The following DAGLB variants were observed in gnomAD, a reference collection of about 807,000 sequenced individuals.
DAGLB encodes diacylglycerol lipase beta.
DAGLB carries 66 observed loss-of-function variants against 72.1 expected under a neutral mutation model. The observed-to-expected ratio is 0.92, with a 90% CI of 0.75 to 1.12. The LOEUF (loss-of-function observed/expected upper bound fraction) is 1.12, where lower values mean the gene tolerates loss of function less well. Among genes scored for constraint, DAGLB ranks in the 50% most tolerant of loss-of-function variants. The probability of loss-of-function intolerance (pLI) is 0.00; values close to 1 mark genes in which losing one functional copy is unlikely to be tolerated. For missense variants in DAGLB, 1,065 were observed against 884.9 expected, an observed-to-expected ratio of 1.20 and a Z score of -2.58; for synonymous variants, 414 against 359.5, an observed-to-expected ratio of 1.15 and a Z score of -1.71.
At chr7:6,413,420 G>A (rs1783800507) in intron 11 of DAGLB, among the ~76,000 whole-genome samples, 1 of 152,252 alleles carries the variant, frequency 6.6e-6, no homozygotes, top group African/African-American at 2.4e-5. Context: ...CACAAGGTCA[G>A]GAGATTGAAA....
chr7:6,447,936 G>A lies in DAGLB; in HGVS notation c.-94C>T, dbSNP rs145079254. The A allele has an allele frequency of 7.5e-6, 11 of 1,464,514 alleles. No individual in the cohort carries two copies. Among genetic ancestry groups the A allele is most frequent in the Middle Eastern group, 1.8e-4 (1 of 5,626 alleles). The allele number at this position is 1,464,514 out of a possible 1,614,324, so 90.7% of individuals were successfully genotyped here. On this transcript the variant is annotated 5_prime_UTR_variant, in exon 1 of 15. Transcript: ENST00000297056. ...CTCCGGACGCCGCCACCAAATTATC[G>A]GCGCTCAAGCGCAAACGCAGCGAGG...
In DAGLB at chr7:6,434,618, C is replaced by CA. The variant is rs1330110623; in HGVS notation, c.678+143dup. On this transcript the variant is annotated intron_variant, in intron 4 of 14. Transcript: ENST00000297056. ...TAACTGCTCCCTGGAGGGCTCATCA[C>CA]AGACAGAGGGTCTCCGGCCACCCCC... is the stretch of plus-strand genomic sequence containing the variant. 4.4e-6 allele frequency: 6 copies of CA among 1,354,494 alleles called. No individual in the cohort carries two copies. The South Asian group carries it at 8.2e-5, about 19-fold the overall frequency. The allele number at this position is 1,354,494 out of a possible 1,614,324, so 83.9% of individuals were successfully genotyped here. A position where few individuals can be genotyped will look rare whatever the true frequency, so the allele number is the denominator to read the frequency against.
intron 9 of DAGLB, among the ~76,000 whole-genome samples, chr7:6,420,618 G>A (rs1031454161): frequency 6.6e-6 from 1 of 152,156 alleles, no homozygotes; most frequent in African/African-American, 2.4e-5. Flanking sequence ...TGTGTTAGGG[G>A]TGTGGGACTG....
chr7:6,442,539 G>C (rs915461732), intron 2 of DAGLB, among the ~76,000 whole-genome samples: 5 of 152,124 alleles, frequency 3.3e-5, no homozygotes, highest in Admixed American at 6.6e-5. Context: ...GAACAAAAAA[G>C]GGCAAATAAG....
At chr7:6,421,911 G>A in intron 8 of DAGLB, 107 bp from the exon 9 acceptor site, 1 of 1,229,612 alleles carries the variant, frequency 8.1e-7, no homozygotes, top group Non-Finnish European at 1.2e-6. Flanking sequence ...GGCGGGGATG[G>A]CACCATCTCC....
intron 2 of DAGLB, 146 bp from the exon 3 acceptor site, chr7:6,436,679 G>T: frequency 2.1e-6 from 2 of 939,334 alleles, no homozygotes; most frequent in African/African-American, 1.7e-5. Context: ...TTGGTAATCA[G>T]CACCTAAGTC....
rs1359944179 is a variant in DAGLB at position 6,426,062 on chromosome 7, A to G, written c.982T>C (p.Cys328Arg). Reference protein sequence around the residue: ...YDLVGGDQLNCHFGSILHTTG... With the variant: ...YDLVGGDQLNRHFGSILHTTG... ...GTGTGCAGGATGGAGCCGAAGTGAC[A>G]GTTGAGCTGATCGCCTCCGACCAAG... Residue 328 changes from cysteine (C) to arginine (R), a missense_variant, in exon 7 of 15, where the codon TGT becomes CGT. Cys to Arg is a radical substitution (Grantham distance 180, BLOSUM62 -3). Coordinates refer to ENST00000297056, the MANE Select transcript of DAGLB (RefSeq NM_139179.4). The G allele has an allele frequency of 3.1e-6, 5 of 1,613,966 alleles. 1 individual carries two copies. The highest frequency in any genetic ancestry group is 3.3e-4 in the Middle Eastern group (2 of 6,018).
In DAGLB at chr7:6,421,735, C is replaced by T. The variant is rs1394007272; in HGVS notation, c.1210G>A (p.Ala404Thr). 6.2e-7 allele frequency: 1 copy of T among 1,609,818 alleles called. No individual in the cohort carries two copies. ...CGAGTCCGCGCTCATACCTTGTGTG[C>T]CAGGCGGTCCTGCACCTCACACTCC... ...DVECEVQDRL[A>T]HKGISQAARY... Residue 404 changes from alanine (A) to threonine (T), a missense_variant, in exon 9 of 15, where the codon GCA (alanine) becomes ACA (threonine). Physicochemically the swap from Ala to Thr is moderately conservative, Grantham distance 58 (BLOSUM62 0). Transcript: ENST00000297056.
intron 13 of DAGLB, among the ~76,000 whole-genome samples, chr7:6,411,211 G>C (rs530218597): frequency 6.6e-6 from 1 of 151,854 alleles, no homozygotes; most frequent in East Asian, 2.0e-4. Context: ...GTTTCTCCAT[G>C]TTAGTCAGGC....
intron 1 of DAGLB, among the ~76,000 whole-genome samples, chr7:6,446,506 A>AAAAAG (rs1785007834): frequency 6.9e-6 from 1 of 145,362 alleles, no homozygotes; most frequent in Non-Finnish European, 1.5e-5. Context: ...AAAAAAAAAA[A>AAAAAG]AAAAGAAATA....
chr7:6,426,858 G>A (rs886849090), intron 6 of DAGLB, among the ~76,000 whole-genome samples: 3 of 152,092 alleles, frequency 2.0e-5, no homozygotes, highest in African/African-American at 4.8e-5. Flanking sequence ...CCTGTAATCC[G>A]GCACTCTGGG....
Position 6,447,657 on chromosome 7 carries a change from G to A in DAGLB, c.95+91C>T. 2.7e-6 allele frequency: 4 copies of A among 1,490,588 alleles called. No individual in the cohort carries two copies. The South Asian group carries it at 5.1e-5, about 19-fold the overall frequency. 92.3% of individuals were successfully genotyped at this position (1,490,588 alleles called of 1,614,324 possible). On this transcript the variant is annotated intron_variant, in intron 1 of 14. Transcript: ENST00000297056. ...CAGCGCTGGGACCGCGACAGTGCTT[G>A]GGAAGCCACTTCTGTCACCGTCTCA...
In DAGLB at chr7:6,446,189, C is replaced by T; in HGVS notation, c.96-85G>A. 2.1e-6 allele frequency: 3 copies of T among 1,433,240 alleles called. 1 individual carries two copies. Among genetic ancestry groups the T allele is most frequent in the Non-Finnish European group, 2.8e-6 (3 of 1,084,040 alleles). The allele number at this position is 1,433,240 out of a possible 1,614,324, so 88.8% of individuals were successfully genotyped here. On this transcript the variant is annotated intron_variant, in intron 1 of 14. Coordinates refer to ENST00000297056, the MANE Select transcript of DAGLB (RefSeq NM_139179.4). Reference sequence around the variant, plus strand: ...CATGATACAAAGAAATAAAAGGGGACAGGGCGCGGTGGCTCACACCTGTAA... The same window carrying T: ...CATGATACAAAGAAATAAAAGGGGATAGGGCGCGGTGGCTCACACCTGTAA...
At position 6,409,577 on chromosome 7, in the gene DAGLB, G is replaced by T. The variant is rs1465413177; in HGVS notation, c.*260C>A. 5 of 532,306 alleles carry T rather than the reference G, an allele frequency of 9.4e-6. No homozygotes were observed. Among genetic ancestry groups the T allele is most frequent in the Non-Finnish European group, 1.4e-5 (4 of 296,290 alleles). The allele number at this position is 532,306 out of a possible 1,614,324, so 33.0% of individuals were successfully genotyped here. On this transcript the variant is annotated 3_prime_UTR_variant, in exon 15 of 15. Transcript: ENST00000297056. Reference sequence around the variant, plus strand: ...CCAAGGGATCCATCCACGGGCCAGGGCTTCCCGAGGCTGTCTCCACGGTCG... The same window carrying T: ...CCAAGGGATCCATCCACGGGCCAGGTCTTCCCGAGGCTGTCTCCACGGTCG...
At chr7:6,414,856 T>G (rs1052014050) in intron 11 of DAGLB, among the ~76,000 whole-genome samples, 3 of 151,580 alleles carry the variant, frequency 2.0e-5, no homozygotes, top group Non-Finnish European at 2.9e-5. Context: ...GCCCAAAACT[T>G]GAGAATATTC....
chr7:6,439,187 G>A (rs1784751633), intron 2 of DAGLB, among the ~76,000 whole-genome samples: 1 of 151,716 alleles, frequency 6.6e-6, no homozygotes, highest in African/African-American at 2.4e-5. Context: ...CCCAGGATGC[G>A]GAGGTTGCAG....
intron 2 of DAGLB, among the ~76,000 whole-genome samples, chr7:6,437,381 C>A (rs1350319887): frequency 6.6e-6 from 1 of 152,012 alleles, no homozygotes; most frequent in East Asian, 1.9e-4. Context: ...CTGGGTTAGT[C>A]ATTATCTCAT....
chr7:6,440,745 T>A (rs1160924727), intron 2 of DAGLB, among the ~76,000 whole-genome samples: 2 of 152,040 alleles, frequency 1.3e-5, no homozygotes, highest in Non-Finnish European at 2.9e-5. Context: ...AGTGTGTGCC[T>A]GTAATCCCAG....
At chr7:6,435,897 A>G (rs1583298223) in intron 3 of DAGLB, among the ~76,000 whole-genome samples, 1 of 152,214 alleles carries the variant, frequency 6.6e-6, no homozygotes, top group East Asian at 1.9e-4. Context: ...GCGGGACTGG[A>G]TCATCTCTAA....
Sources: gnomAD v4.1 joint callset for allele counts (sites outside exome capture counted in the v4.1 genomes callset) on GRCh38, gnomAD v4.1.1 for gene constraint, MANE v1.5 for transcripts, NCBI Gene and HGNC (gene_info 2026-07-23, HGNC 2026-07-21) for gene names.